Variants in XKR9 observed in about 807,000 individuals in gnomAD.
XKR9 encodes the protein XK-related protein 9.
A neutral mutation model predicts 32.0 loss-of-function variants in XKR9; 32 were observed. That is an observed-to-expected ratio of 1.00 (90% CI 0.76 to 1.34). The LOEUF is 1.34. Ranked by LOEUF, XKR9 falls within the 40% of genes most tolerant of loss-of-function variation. The pLI, the probability that XKR9 is intolerant of heterozygous loss-of-function variation, is 0.00. For synonymous variants in XKR9, 168 were observed against 143.4 expected (o/e 1.17, Z -1.22); for missense variants, 546 against 429.7 (o/e 1.27, Z -2.39).
chr8:70,904,288 A>G, the XKR9 span, among the ~76,000 whole-genome samples: 2 of 152,066 alleles, frequency 1.3e-5, no homozygotes, highest in Non-Finnish European at 2.9e-5. Flanking sequence ...TGCTTTATGA[A>G]TCTGGTTGCT....
intron 2 of XKR9, among the ~76,000 whole-genome samples, chr8:70,787,551 A>G (rs559825604): frequency 6.6e-6 from 1 of 152,254 alleles, no homozygotes; most frequent in Admixed American, 6.6e-5. Flanking sequence ...TACACAGTGC[A>G]TTCCACCAGA....
chr8:70,959,382 A>G, the XKR9 span, among the ~76,000 whole-genome samples: 1 of 152,170 alleles, frequency 6.6e-6, no homozygotes, highest in Non-Finnish European at 1.5e-5. Context: ...CTAAAAATAG[A>G]TCTAATTAAT....
At chr8:70,896,528 A>G in the XKR9 span, among the ~76,000 whole-genome samples, 1,525 of 150,662 alleles carry the variant, frequency 0.01, 24 homozygotes, top group African/African-American at 0.035. Context: ...CTCATTCTTG[A>G]TATTGGTAAT....
At chr8:70,686,961 A>T (rs1819302487) in intron 3 of XKR9, among the ~76,000 whole-genome samples, 1 of 152,108 alleles carries the variant, frequency 6.6e-6, no homozygotes, top group South Asian at 2.1e-4. Flanking sequence ...TTGTGTTAGG[A>T]ACATTCCAAT....
At position 70,734,205 on chromosome 8, in the gene XKR9, A is replaced by T; in HGVS notation, c.903A>T (p.Ile301=). The stretch of plus-strand genomic sequence containing the variant: ...TTAGGGTACTGGGCACTTTGGGGAT[A>T]TTGACTGTATTCTGGGTTTGCCCCC... ...YIVRVLGTLG[I]LTVFWVCPLT... is the part of the protein sequence containing the mutation. Residue 301 remains isoleucine, a synonymous_variant, in exon 5 of 5, where the codon ATA becomes ATT. Transcript: ENST00000408926. 1 of 1,613,388 alleles carries T rather than the reference A, an allele frequency of 6.2e-7. No individual in the cohort carries two copies. The highest frequency in any genetic ancestry group is 8.5e-7 in the Non-Finnish European group (1 of 1,179,656).
At chr8:70,738,819 A>C (rs1168196118), downstream of XKR9, among the ~76,000 whole-genome samples, 1 of 152,142 alleles carries the variant, frequency 6.6e-6, no homozygotes, top group Non-Finnish European at 1.5e-5. Flanking sequence ...GTTTGATTGC[A>C]CTGTGGTCTG....
At chr8:70,736,477 TCC>T (rs1174812476), downstream of XKR9, among the ~76,000 whole-genome samples, 2 of 152,244 alleles carry the variant, frequency 1.3e-5, no homozygotes, top group African/African-American at 4.8e-5. Flanking sequence ...TTTAATTAGA[TCC>T]CATTTGTCAA....
At chr8:70,905,749 C>T in the XKR9 span, among the ~76,000 whole-genome samples, 1 of 152,148 alleles carries the variant, frequency 6.6e-6, no homozygotes, top group Non-Finnish European at 1.5e-5. Context: ...TTCTCCCCAT[C>T]TTTGTGGTTT....
At chr8:70,838,913 C>T in the XKR9 span, among the ~76,000 whole-genome samples, 1 of 150,114 alleles carries the variant, frequency 6.7e-6, no homozygotes, top group Non-Finnish European at 1.5e-5. Flanking sequence ...CTTGTATAGT[C>T]CCTGTCTCTA....
At chr8:70,837,256 C>T in the XKR9 span, among the ~76,000 whole-genome samples, 2 of 152,082 alleles carry the variant, frequency 1.3e-5, no homozygotes, top group South Asian at 2.1e-4. Flanking sequence ...AGTATAGCAC[C>T]TTAGAGAAGG....
At chr8:70,724,588 C>A (rs1304330424) in intron 4 of XKR9, among the ~76,000 whole-genome samples, 1 of 152,156 alleles carries the variant, frequency 6.6e-6, no homozygotes, top group Non-Finnish European at 1.5e-5. Context: ...GTATCTGGGC[C>A]TGATAGCACA....
the XKR9 span, among the ~76,000 whole-genome samples, chr8:70,956,493 T>C: frequency 6.6e-6 from 1 of 152,150 alleles, no homozygotes; most frequent in Non-Finnish European, 1.5e-5. Flanking sequence ...TGCCCAGAAC[T>C]GGCAGCCCCG....
In XKR9 at chr8:70,741,100, C is replaced by T. The variant is rs530829569; in HGVS notation, n.352+33947C>T. Among the ~76,000 whole-genome samples, 4 of 152,390 alleles carry T rather than the reference C, an allele frequency of 2.6e-5. No individual in the cohort carries two copies. In the East Asian group the frequency reaches 7.7e-4, roughly 29 times the overall value. ...GAGCCTACAGAGGCAGGCAGGCCTC[C>T]TTGAGCTGTGGTGGGTTCCACCCAG... is the stretch of plus-strand genomic sequence containing the variant. On this transcript the variant is annotated intron_variant and non_coding_transcript_variant, in intron 2 of 3. Coordinates refer to the XKR9 transcript ENST00000520273.
At chr8:70,942,417 C>T in the XKR9 span, among the ~76,000 whole-genome samples, 2 of 152,148 alleles carry the variant, frequency 1.3e-5, no homozygotes, top group Non-Finnish European at 2.9e-5. Context: ...TGACATTAAT[C>T]TCTTACTTAC....
At position 70,695,135 on chromosome 8, in the gene XKR9, T is replaced by C. The variant is rs1472909659; in HGVS notation, c.273-11798T>C. On this transcript the variant is annotated intron_variant, in intron 3 of 4. Transcript: ENST00000408926. ...TTGTCCTGCCTTGTTTTTCTTTTTT[T>C]TTTTTTTTTTCTCATTGATTTGTTT... 1.6e-4 allele frequency among the ~76,000 whole-genome samples: 19 copies of C among 116,334 alleles called. 1 individual carries two copies. The highest frequency in any genetic ancestry group is 4.8e-4 in the African/African-American group (17 of 35,538). The allele number at this position is 116,334 out of a possible 152,430, so 76.3% of individuals were successfully genotyped here. A position where few individuals can be genotyped will look rare whatever the true frequency, so the allele number is the denominator to read the frequency against.
the XKR9 span, among the ~76,000 whole-genome samples, chr8:70,808,832 G>A: frequency 7.9e-5 from 12 of 152,326 alleles, no homozygotes; most frequent in South Asian, 1.5e-3. Context: ...TGCAGCTCAC[G>A]GAGGCCTGCC....
chr8:70,762,986 A>G (rs1807327942), intron 2 of XKR9, among the ~76,000 whole-genome samples: 1 of 152,166 alleles, frequency 6.6e-6, no homozygotes, highest in African/African-American at 2.4e-5. Context: ...TTGGTAAAGG[A>G]AGGTTGATCT....
At chr8:70,797,835 TAGG>T in the XKR9 span, among the ~76,000 whole-genome samples, 2 of 152,288 alleles carry the variant, frequency 1.3e-5, no homozygotes, top group East Asian at 3.9e-4. Flanking sequence ...TTAGTTTGCT[TAGG>T]ACAATGATGT....
At chr8:70,761,244 G>A (rs1807304869) in intron 2 of XKR9, among the ~76,000 whole-genome samples, 2 of 152,174 alleles carry the variant, frequency 1.3e-5, no homozygotes, top group Admixed American at 6.5e-5. Context: ...GGGATTGCCT[G>A]GTTGAATGGT....
Sources: allele counts gnomAD v4.1 joint callset (sites outside exome capture counted in the v4.1 genomes callset), GRCh38; gene constraint gnomAD v4.1.1; transcripts MANE v1.5; gene names NCBI Gene and HGNC (gene_info 2026-07-23, HGNC 2026-07-21).